The following SUZ12 variants were observed in gnomAD, a reference collection of about 807,000 sequenced individuals.
SUZ12 encodes the protein SUZ12 polycomb repressive complex 2 subunit.
Under a neutral mutation model 87.3 loss-of-function variants are expected in SUZ12, and 17 were observed. The observed-to-expected ratio is 0.19, with a 90% CI of 0.13 to 0.29. The LOEUF is 0.29. SUZ12 is among the 10% of genes least tolerant of loss of function. The pLI, the probability that SUZ12 is intolerant of heterozygous loss-of-function variation, is 1.00. For missense variants in SUZ12, 526 were observed against 912.2 expected (o/e 0.58, Z 5.45); for synonymous variants, 253 against 312.4 (o/e 0.81, Z 2.01).
intron 13 of SUZ12, among the ~76,000 whole-genome samples, chr17:31,995,060 C>T (rs1909900362): frequency 6.6e-6 from 1 of 152,160 alleles, no homozygotes; most frequent in South Asian, 2.1e-4. Flanking sequence ...TGTGCCATTG[C>T]ACTCCGGCCT....
Position 31,999,933 on chromosome 17 carries a change from T to G in SUZ12, c.*930T>G, listed in dbSNP as rs1362292707. Reference sequence around the variant, plus strand: ...TAAAAAGTCAACCAGAAAACTGTTATGCCTTTTATTTGTTTGCAAGGATGT... The same window carrying G: ...TAAAAAGTCAACCAGAAAACTGTTAGGCCTTTTATTTGTTTGCAAGGATGT... On this transcript the variant is annotated 3_prime_UTR_variant, in exon 16 of 16. Transcript: ENST00000322652. The G allele has an allele frequency of 5.2e-5, 12 of 232,830 alleles. No homozygotes were observed. The highest frequency in any genetic ancestry group is 2.5e-5 in the Non-Finnish European group (3 of 117,804). 14.4% of individuals were successfully genotyped at this position (232,830 alleles called of 1,614,324 possible).
intron 4 of SUZ12, among the ~76,000 whole-genome samples, chr17:31,952,696 G>A (rs931008056): frequency 5.3e-5 from 8 of 152,042 alleles, no homozygotes; most frequent in African/African-American, 1.9e-4. Context: ...CTGAGTAGCT[G>A]GGATTACAGG....
At chr17:31,972,333 GTATATATATGTGTATA>G (rs1460824528) in intron 5 of SUZ12, among the ~76,000 whole-genome samples, 21 of 148,598 alleles carry the variant, frequency 1.4e-4, no homozygotes, top group African/African-American at 3.2e-4. Context: ...GTATGTATGT[GTATATATATGTGTATA>G]TATATATATG....
intron 5 of SUZ12, among the ~76,000 whole-genome samples, chr17:31,969,593 G>T (rs1359858196): frequency 1.3e-5 from 2 of 152,126 alleles, no homozygotes; most frequent in Admixed American, 6.6e-5. Context: ...CCACGCCTAT[G>T]TTGAAAATAA....
At chr17:31,996,512 G>C (rs189731412) in intron 14 of SUZ12, among the ~76,000 whole-genome samples, 1 of 152,074 alleles carries the variant, frequency 6.6e-6, no homozygotes, top group Admixed American at 6.6e-5. Flanking sequence ...CCAGCTACTC[G>C]GGAGGCTGAG....
intron 11 of SUZ12, among the ~76,000 whole-genome samples, chr17:31,993,654 T>C (rs1320486291): frequency 2.0e-5 from 3 of 152,064 alleles, no homozygotes; most frequent in Non-Finnish European, 2.9e-5. Context: ...CTCCAAGCGA[T>C]ACATTTGACA....
At chr17:31,950,785 CTT>C (rs935244189) in intron 4 of SUZ12, among the ~76,000 whole-genome samples, 1 of 146,322 alleles carries the variant, frequency 6.8e-6, no homozygotes, top group African/African-American at 2.5e-5. Context: ...CATTTATGTT[CTT>C]TTTTTTTTTT....
intron 13 of SUZ12, 41 bp from the exon 14 acceptor site, chr17:31,995,523 C>CT (rs1371631544): frequency 6.5e-7 from 1 of 1,530,700 alleles, no homozygotes; most frequent in Admixed American, 1.7e-5. Flanking sequence ...AGATGGTATA[C>CT]ATGTAGAGGC....
intron 13 of SUZ12, 118 bp downstream of exon 13, chr17:31,994,839 T>A: frequency 9.1e-7 from 1 of 1,095,934 alleles, no homozygotes; most frequent in Non-Finnish European, 1.3e-6. Context: ...TTTTCAGTAT[T>A]AGGTGTCTAT....
chr17:31,973,377 A>G, intron 6 of SUZ12, 146 bp downstream of exon 6: 1 of 568,018 alleles, frequency 1.8e-6, no homozygotes. Flanking sequence ...TAAAACTGAT[A>G]ACCTCTTTTG....
At position 31,999,191 on chromosome 17, in the gene SUZ12, C is replaced by T; in HGVS notation, c.*188C>T. On this transcript the variant is annotated 3_prime_UTR_variant, in exon 16 of 16. Transcript: ENST00000322652. ...TCATTATGCAGCATTACATGTATAT[C>T]ACTTTTATTGATGTCATTAAAACAT... 1 of 435,812 alleles carries T rather than the reference C, an allele frequency of 2.3e-6. No homozygotes were observed. The highest frequency in any genetic ancestry group is 4.0e-6 in the Non-Finnish European group (1 of 248,444). 27.0% of individuals were successfully genotyped at this position (435,812 alleles called of 1,614,324 possible).
chr17:31,996,956 G>A (rs1446270627), intron 15 of SUZ12, 79 bp downstream of exon 15: 9 of 869,614 alleles, frequency 1.0e-5, no homozygotes, highest in Middle Eastern at 3.8e-4. Context: ...GAAATCTTAC[G>A]TGTGTTAGAA....
intron 15 of SUZ12, among the ~76,000 whole-genome samples, chr17:31,997,519 C>T (rs576379774): frequency 8.6e-5 from 13 of 152,018 alleles, no homozygotes; most frequent in African/African-American, 2.7e-4. Context: ...AAAACTTAGC[C>T]GGGTGCAGTG....
chr17:31,993,321 A>T lies in SUZ12; in HGVS notation c.1281A>T (p.Arg427Ser), dbSNP rs2142214009. The T allele has an allele frequency of 6.4e-7, 1 of 1,570,548 alleles. No individual in the cohort carries two copies. The highest frequency in any genetic ancestry group is 8.6e-7 in the Non-Finnish European group (1 of 1,157,760). The change falls in exon 11 of 16, where the codon AGA becomes AGT. Residue 427 changes from arginine (R) to serine (S), a missense_variant. Arg to Ser is a moderately radical substitution (Grantham distance 110). Around this residue, in one of 9 missense-constraint regions of SUZ12, gnomAD observed 143 missense variants for 321.6 expected, o/e 0.44. Transcript: ENST00000322652. Reference sequence around the variant, plus strand: ...CAAATGAAAACCGACAAAAATTAAGAATATTTTATCAGGTAAACATAGCTG... The same window carrying T: ...CAAATGAAAACCGACAAAAATTAAGTATATTTTATCAGGTAAACATAGCTG... ...DTPNENRQKL[R>S]IFYQFLYNNN...
Position 31,958,158 on chromosome 17 carries a change from T to C in SUZ12, c.456-7989T>C, listed in dbSNP as rs1907475864. On this transcript the variant is annotated intron_variant, in intron 4 of 15. Coordinates refer to ENST00000322652, the MANE Select transcript of SUZ12 (RefSeq NM_015355.4). The stretch of plus-strand genomic sequence containing the variant: ...ACCTCATGATCCGCCCACCTCAGCC[T>C]CCCAAAGTGCCGGGATTGCAGGCGT... 2.0e-5 allele frequency among the ~76,000 whole-genome samples: 3 copies of C among 151,968 alleles called. No individual in the cohort carries two copies. In the South Asian group the frequency reaches 6.2e-4, roughly 32 times the overall value.
At chr17:31,947,113 G>A (rs2470267) in intron 3 of SUZ12, among the ~76,000 whole-genome samples, 27,712 of 152,044 alleles carry the variant, frequency 0.18, 3,110 homozygotes, top group African/African-American at 0.31. Context: ...TAGTAGACGT[G>A]TTAAGTGTTT....
At chr17:31,944,721 G>A (rs1406427229) in intron 3 of SUZ12, among the ~76,000 whole-genome samples, 1 of 152,136 alleles carries the variant, frequency 6.6e-6, no homozygotes, top group Non-Finnish European at 1.5e-5. Context: ...CAGCATTTCG[G>A]GAGACTGAGT....
At chr17:31,989,782 TG>T (rs1423467972) in intron 10 of SUZ12, among the ~76,000 whole-genome samples, 3 of 148,278 alleles carry the variant, frequency 2.0e-5, no homozygotes, top group Admixed American at 6.7e-5. Context: ...TTTTTTTTTT[TG>T]TATTTTTAGT....
chr17:31,967,163 C>T (rs981366845), intron 5 of SUZ12: 1 of 150,370 alleles, frequency 6.7e-6, no homozygotes, highest in Non-Finnish European at 1.5e-5. Context: ...TGCGTTACTG[C>T]ACTCCAGCCT....
Sources: allele counts gnomAD v4.1 joint callset (sites outside exome capture counted in the v4.1 genomes callset), GRCh38; gene constraint gnomAD v4.1.1; regional missense constraint gnomAD v4.1.1; transcripts MANE v1.5; gene names NCBI Gene and HGNC (gene_info 2026-07-23, HGNC 2026-07-21).